TGIF1: variants seen among roughly 807,000 people sequenced by gnomAD.
TGIF1 encodes the protein homeobox protein TGIF1.
Under a neutral mutation model 19.3 loss-of-function variants are expected in TGIF1, and 4 were observed. The observed-to-expected ratio is 0.21, with a 90% CI of 0.10 to 0.47. The LOEUF is 0.47. TGIF1 is among the 20% of genes least tolerant of loss of function. The pLI is 0.98. For missense variants in TGIF1, 275 were observed against 341.4 expected, an observed-to-expected ratio of 0.81 and a Z score of 1.53; for synonymous variants, 122 against 129.3, an observed-to-expected ratio of 0.94 and a Z score of 0.38.
At chr18:3,448,717 C>CTTTTTTTTTTTTTTTTTTT (rs869086299), upstream of TGIF1, 108 of 244,856 alleles carry the variant, frequency 4.4e-4, 8 homozygotes, top group African/African-American at 4.3e-3. Flanking sequence ...GCGGGGGTGT[C>CTTTTTTTTTTTTTTTTTTT]TTTTTTTTTT....
Position 3,451,951 on chromosome 18 carries a change from G to A in TGIF1, c.16+1446G>A, listed in dbSNP as rs1037550078. On this transcript the variant is annotated intron_variant, in intron 1 of 2. Transcript: ENST00000343820. The surrounding 1 kb of genome is among the most constrained non-coding windows in gnomAD (Gnocchi z 5.4). ...CTGTCTGTTGTGGTGGGCCTCCCGG[G>A]AATAAGTGAGGGGCTCTGTGTTTCG... 5 of 1,553,032 alleles carry A rather than the reference G, an allele frequency of 3.2e-6. No individual in the cohort carries two copies. The highest frequency in any genetic ancestry group is 1.9e-5 in the Admixed American group (1 of 53,532).
chr18:3,416,469 T>C (rs892487493), intron 1 of TGIF1, among the ~76,000 whole-genome samples: 1 of 151,694 alleles, frequency 6.6e-6, no homozygotes, highest in African/African-American at 2.4e-5. Flanking sequence ...TGAGCCGAGA[T>C]CACGCCACTG....
chr18:3,421,171 T>C (rs988501633), intron 2 of TGIF1, among the ~76,000 whole-genome samples: 2 of 151,614 alleles, frequency 1.3e-5, no homozygotes, highest in African/African-American at 4.8e-5. Flanking sequence ...CTACTGTATT[T>C]GATGGTACTA....
chr18:3,447,925 T>C, upstream of TGIF1: 1 of 1,465,266 alleles, frequency 6.8e-7, no homozygotes, highest in Non-Finnish European at 9.4e-7. Flanking sequence ...TCGGTTCCCA[T>C]CTCGGTTGCC....
chr18:3,428,797 T>A (rs573862421), intron 2 of TGIF1, among the ~76,000 whole-genome samples: 11 of 152,146 alleles, frequency 7.2e-5, no homozygotes, highest in African/African-American at 2.6e-4. Context: ...ATCCTAGCAC[T>A]TTGGGAGGCC....
At chr18:3,448,077 G>C (rs867316651), upstream of TGIF1, 13 of 977,420 alleles carry the variant, frequency 1.3e-5, no homozygotes, top group East Asian at 5.8e-4. Context: ...AGCGGGCGGG[G>C]GGGGAGGTAG....
chr18:3,448,125 T>A (rs2082780701), upstream of TGIF1: 1 of 984,296 alleles, frequency 1.0e-6, no homozygotes. Flanking sequence ...TGGAGTGGCT[T>A]CGAAAGCGGC....
chr18:3,433,340 C>T (rs1024714543), intron 2 of TGIF1, among the ~76,000 whole-genome samples: 3 of 152,208 alleles, frequency 2.0e-5, no homozygotes, highest in Admixed American at 6.5e-5. Context: ...TCCCAAAGTG[C>T]TAGGATTACA....
chr18:3,450,404 A>G lies in TGIF1; in HGVS notation c.-86A>G. 1 of 1,548,906 alleles carries G rather than the reference A, an allele frequency of 6.5e-7. No individual in the cohort carries two copies. Among genetic ancestry groups the G allele is most frequent in the Non-Finnish European group, 8.7e-7 (1 of 1,145,794 alleles). ...ACAAGTTACGGGAGAGTCGGCTGTGAAGGAGACGTTCGCTTATCCCCTGTG... is the reference window on the plus strand; with the variant it reads ...ACAAGTTACGGGAGAGTCGGCTGTGGAGGAGACGTTCGCTTATCCCCTGTG... On this transcript the variant is annotated 5_prime_UTR_variant, in exon 1 of 3. Coordinates refer to ENST00000343820, the MANE Select transcript of TGIF1 (RefSeq NM_003244.4).
intron 2 of TGIF1, among the ~76,000 whole-genome samples, chr18:3,444,340 G>T (rs1177635403): frequency 5.2e-5 from 7 of 134,348 alleles, no homozygotes; most frequent in Non-Finnish European, 9.6e-5. Flanking sequence ...TACATTTGGT[G>T]GTACATGTGA....
chr18:3,446,859 G>A (rs1025746372), upstream of TGIF1, among the ~76,000 whole-genome samples: 1 of 152,202 alleles, frequency 6.6e-6, no homozygotes, highest in Non-Finnish European at 1.5e-5. Flanking sequence ...GACTGGAAGT[G>A]AAAGAGATCC....
At position 3,451,467 on chromosome 18, in the gene TGIF1, C is replaced by A; in HGVS notation, c.16+962C>A. Reference sequence around the variant, plus strand: ...GGTCCCCCGAGTGTTCCGCTGTGGGCTGGAGGTGGCGTTTCTGTCGTGATT... The same window carrying A: ...GGTCCCCCGAGTGTTCCGCTGTGGGATGGAGGTGGCGTTTCTGTCGTGATT... On this transcript the variant is annotated intron_variant, in intron 1 of 2. Transcript: ENST00000343820. The surrounding 1 kb of genome is among the most constrained non-coding windows in gnomAD (Gnocchi z 5.4). 1.0e-6 allele frequency: 1 copy of A among 987,462 alleles called. No homozygotes were observed. Among genetic ancestry groups the A allele is most frequent in the Non-Finnish European group, 1.2e-6 (1 of 831,394 alleles). 61.2% of individuals were successfully genotyped at this position (987,462 alleles called of 1,614,324 possible). A position where few individuals can be genotyped will look rare whatever the true frequency, so the allele number is the denominator to read the frequency against.
chr18:3,456,169 C>G lies in TGIF1; in HGVS notation c.17-185C>G. On this transcript the variant is annotated intron_variant, in intron 1 of 2. Transcript: ENST00000343820. This position sits in a 1 kb window ranked among gnomAD's most constrained non-coding sequence, Gnocchi z 4.2. ...GCATCTGGCATTTGGTTGAGAGCCT[C>G]CTATGTGGTGCTAGTCAAACTACTT... 1.4e-6 allele frequency: 1 copy of G among 714,724 alleles called. No individual in the cohort carries two copies. Among genetic ancestry groups the G allele is most frequent in the Non-Finnish European group, 2.5e-6 (1 of 395,080 alleles). 44.3% of individuals were successfully genotyped at this position (714,724 alleles called of 1,614,324 possible). A position where few individuals can be genotyped will look rare whatever the true frequency, so the allele number is the denominator to read the frequency against.
chr18:3,424,707 T>C (rs1263544395), intron 2 of TGIF1, among the ~76,000 whole-genome samples: 1 of 152,162 alleles, frequency 6.6e-6, no homozygotes, highest in Non-Finnish European at 1.5e-5. Flanking sequence ...GTTTGAGTTA[T>C]TCACCAATGG....
At position 3,459,369 on chromosome 18, in the gene TGIF1, A is replaced by T. The variant is rs2049455197; in HGVS notation, c.*1429A>T. On this transcript the variant is annotated 3_prime_UTR_variant, in exon 3 of 3. Transcript: ENST00000343820. ...CTTTCCTTGTAAGTGAAAGAAAAAA[A>T]CTGCTGATGATTACCAAGAGGCGTA... 6.6e-6 allele frequency: 1 copy of T among 152,182 alleles called. No individual in the cohort carries two copies. Among genetic ancestry groups the T allele is most frequent in the Non-Finnish European group, 1.5e-5 (1 of 68,028 alleles). The allele number at this position is 152,182 out of a possible 1,614,324, so 9.4% of individuals were successfully genotyped here. A position where few individuals can be genotyped will look rare whatever the true frequency, so the allele number is the denominator to read the frequency against.
At chr18:3,441,466 C>T (rs1288041530) in intron 2 of TGIF1, among the ~76,000 whole-genome samples, 1 of 152,066 alleles carries the variant, frequency 6.6e-6, no homozygotes, top group Admixed American at 6.6e-5. Flanking sequence ...CTGTGGTGTG[C>T]GTGGTAGAAT....
intron 1 of TGIF1, among the ~76,000 whole-genome samples, chr18:3,454,797 A>G (rs2083112457): frequency 6.6e-6 from 1 of 152,234 alleles, no homozygotes; most frequent in Admixed American, 6.5e-5. Flanking sequence ...AATTTGCAAG[A>G]TCATCCACCT....
intron 1 of TGIF1, chr18:3,453,959 C>T: frequency 4.3e-6 from 2 of 467,738 alleles, no homozygotes; most frequent in Non-Finnish European, 5.6e-6. Flanking sequence ...CTTTGTTTTT[C>T]CAAGCTGAGC....
intron 2 of TGIF1, among the ~76,000 whole-genome samples, chr18:3,433,173 A>G (rs1240285499): frequency 6.6e-6 from 1 of 151,590 alleles, no homozygotes; most frequent in African/African-American, 2.4e-5. Flanking sequence ...TTCTGGGCTC[A>G]AGCACTCCTT....
Sources: allele counts gnomAD v4.1 joint callset (sites outside exome capture counted in the v4.1 genomes callset), GRCh38; gene constraint gnomAD v4.1.1; non-coding constraint Gnocchi (gnomAD v3.1); transcripts MANE v1.5; gene names NCBI Gene and HGNC (gene_info 2026-07-23, HGNC 2026-07-21).